The following PDE3B variants were observed in gnomAD, a reference collection of about 807,000 sequenced individuals.
The protein encoded by PDE3B is cGMP-inhibited 3',5'-cyclic phosphodiesterase 3B.
A neutral mutation model predicts 116.8 loss-of-function variants in PDE3B; 66 were observed. The observed-to-expected ratio is 0.56, with a 90% CI of 0.46 to 0.69. The LOEUF (loss-of-function observed/expected upper bound fraction) is 0.69, where lower values mean the gene tolerates loss of function less well. PDE3B is among the 30% of genes least tolerant of loss of function. PDE3B has a pLI of 0.00. For missense variants in PDE3B, 1,384 were observed against 1,368.1 expected, an observed-to-expected ratio of 1.01 and a Z score of -0.18; for synonymous variants, 595 against 533.6, an observed-to-expected ratio of 1.12 and a Z score of -1.59.
intron 1 of PDE3B, among the ~76,000 whole-genome samples, chr11:14,761,621 A>G (rs866463548): frequency 4.6e-5 from 7 of 152,168 alleles, no homozygotes; most frequent in Admixed American, 4.6e-4. Flanking sequence ...ATTTTGTTTT[A>G]TAAGTATAGG....
rs535545363 is a variant in PDE3B at position 14,754,877 on chromosome 11, C to T, written c.979-17060C>T. On this transcript the variant is annotated intron_variant, in intron 1 of 15. Transcript: ENST00000282096. The stretch of plus-strand genomic sequence containing the variant: ...CTCTTTTGGCTTTGCTCCCCTTCTT[C>T]TCTTTCATGCCCTCTTCAAACCAGG... Among the ~76,000 whole-genome samples, 31 of 152,242 alleles carry T rather than the reference C, an allele frequency of 2.0e-4. No homozygotes were observed. In the South Asian group the frequency reaches 6.2e-3, roughly 31 times the overall value.
intron 7 of PDE3B, among the ~76,000 whole-genome samples, chr11:14,824,716 TATC>T (rs1356232830): frequency 1.3e-5 from 2 of 152,172 alleles, no homozygotes; most frequent in Admixed American, 1.3e-4. Flanking sequence ...TATTTCAGGA[TATC>T]ATCCATGAAA....
chr11:14,685,682 C>T (rs1854853730), intron 1 of PDE3B, among the ~76,000 whole-genome samples: 1 of 152,004 alleles, frequency 6.6e-6, no homozygotes, highest in African/African-American at 2.4e-5. Flanking sequence ...TCTTGAACTC[C>T]TGACCTCAGG....
rs1555008776 is a variant in PDE3B, at chr11:14,869,856, T to C, written c.*196T>C. ...TGCACTTTCACAGGAACTAGAAAACTATTCTTAAACCAAAAATACCATCCG... is the reference window on the plus strand; with the variant it reads ...TGCACTTTCACAGGAACTAGAAAACCATTCTTAAACCAAAAATACCATCCG... On this transcript the variant is annotated 3_prime_UTR_variant, in exon 16 of 16. Transcript: ENST00000282096. The C allele has an allele frequency of 7.7e-6, 4 of 519,996 alleles. No homozygotes were observed. Among genetic ancestry groups the C allele is most frequent in the Non-Finnish European group, 1.0e-5 (3 of 296,096 alleles). 32.2% of individuals were successfully genotyped at this position (519,996 alleles called of 1,614,324 possible). A position where few individuals can be genotyped will look rare whatever the true frequency, so the allele number is the denominator to read the frequency against.
chr11:14,879,221 T>C, the PDE3B span: 16 of 1,613,216 alleles, frequency 9.9e-6, no homozygotes. Flanking sequence ...TTCATCAAAG[T>C]GTACAGAATA....
chr11:14,646,145 T>G (rs1189017872), intron 1 of PDE3B, among the ~76,000 whole-genome samples: 1 of 152,230 alleles, frequency 6.6e-6, no homozygotes, highest in East Asian at 1.9e-4. Context: ...CTAGGTTTTC[T>G]GAATTTTTGG....
intron 1 of PDE3B, among the ~76,000 whole-genome samples, chr11:14,751,046 C>T (rs1428189203): frequency 6.6e-6 from 1 of 152,174 alleles, no homozygotes. Flanking sequence ...CCAAACCTGG[C>T]TGCTCATCAG....
chr11:14,661,624 G>T (rs190546492), intron 1 of PDE3B, among the ~76,000 whole-genome samples: 5 of 152,154 alleles, frequency 3.3e-5, no homozygotes, highest in African/African-American at 1.2e-4. Flanking sequence ...CTTTTCCGAC[G>T]GGCTTAAAAA....
intron 2 of PDE3B, 166 bp downstream of exon 2, chr11:14,772,153 G>T (rs1297208990): frequency 5.5e-6 from 2 of 365,798 alleles, no homozygotes; most frequent in Admixed American, 4.6e-5. Flanking sequence ...CATTGAGGTA[G>T]ATTTTTTAAA....
chr11:14,778,033 C>CG (rs201144565), intron 2 of PDE3B, among the ~76,000 whole-genome samples: 59 of 152,258 alleles, frequency 3.9e-4, no homozygotes, highest in African/African-American at 1.0e-3. Context: ...GTGCCTGGCT[C>CG]GGGGGGTTCC....
chr11:14,872,736 GT>G (rs1186982578), downstream of PDE3B, among the ~76,000 whole-genome samples: 1 of 152,168 alleles, frequency 6.6e-6, no homozygotes, highest in African/African-American at 2.4e-5. Flanking sequence ...AATTCCCACA[GT>G]CAACCCTATG....
rs1433175972 is a variant in PDE3B, at chr11:14,644,976, G to A, written c.901G>A (p.Gly301Arg). The A allele has an allele frequency of 1.2e-6, 2 of 1,613,792 alleles. No homozygotes were observed. Among genetic ancestry groups the A allele is most frequent in the East Asian group, 4.5e-5 (2 of 44,886 alleles). ...PRRRSSCVSLGETAASYYGSC... is the reference protein window; with the variant it reads ...PRRRSSCVSLRETAASYYGSC... ...GAGGAGGTCCAGCTGCGTGTCGTTA[G>A]GAGAAACTGCAGCCAGTTACTATGG... The change falls in exon 1 of 16, where the codon GGA (glycine) becomes AGA (arginine). Residue 301 changes from glycine to arginine, a missense_variant. Gly to Arg is a moderately radical substitution (Grantham distance 125). This residue lies in a region of PDE3B where 956 missense variants were observed against 806.8 expected (regional missense o/e 1.18). Transcript: ENST00000282096.
At chr11:14,732,508 A>G (rs1347073122) in intron 1 of PDE3B, among the ~76,000 whole-genome samples, 5 of 152,172 alleles carry the variant, frequency 3.3e-5, no homozygotes, top group African/African-American at 1.2e-4. Context: ...TTTGAGATTC[A>G]TTTTAGTGTC....
chr11:14,710,841 A>T (rs968914414), intron 1 of PDE3B, among the ~76,000 whole-genome samples: 1 of 152,114 alleles, frequency 6.6e-6, no homozygotes, highest in Non-Finnish European at 1.5e-5. Flanking sequence ...TGCTTTTTTT[A>T]AAAAAATGTG....
intron 1 of PDE3B, among the ~76,000 whole-genome samples, chr11:14,652,334 G>A (rs1338906833): frequency 6.6e-6 from 1 of 152,058 alleles, no homozygotes; most frequent in African/African-American, 2.4e-5. Context: ...CTATGTCATA[G>A]GTCTATACGT....
At chr11:14,663,808 C>T (rs1393320087) in intron 1 of PDE3B, among the ~76,000 whole-genome samples, 1 of 152,136 alleles carries the variant, frequency 6.6e-6, no homozygotes, top group Admixed American at 6.5e-5. Flanking sequence ...TAGACTCCCA[C>T]ACAATAATAA....
intron 1 of PDE3B, among the ~76,000 whole-genome samples, chr11:14,681,726 A>C (rs1854715881): frequency 6.6e-6 from 1 of 152,186 alleles, no homozygotes; most frequent in Non-Finnish European, 1.5e-5. Context: ...ATAGAAATAC[A>C]ATTGAGTTTT....
chr11:14,660,927 C>G (rs1853883778), intron 1 of PDE3B, among the ~76,000 whole-genome samples: 1 of 152,184 alleles, frequency 6.6e-6, no homozygotes, highest in Admixed American at 6.5e-5. Flanking sequence ...AAATGCTCAT[C>G]ATCACTGGCC....
chr11:14,859,063 A>T lies in PDE3B; in HGVS notation c.2541A>T (p.Arg847Ser). The change falls in exon 13 of 16, where the codon AGA becomes AGT. Residue 847 changes from arginine to serine, a missense_variant. Around this residue, in one of 2 missense-constraint regions of PDE3B, gnomAD observed 428 missense variants for 561.4 expected, o/e 0.76. Transcript: ENST00000282096. ...TTTAGGCAGTTTTATACAATGACAGATCTGTTCTGGAAAATCATCATGCTG... is the reference window on the plus strand; with the variant it reads ...TTTAGGCAGTTTTATACAATGACAGTTCTGTTCTGGAAAATCATCATGCTG... ...NAPQAVLYND[R>S]SVLENHHAAS... The T allele has an allele frequency of 6.2e-7, 1 of 1,612,812 alleles. No individual in the cohort carries two copies. The highest frequency in any genetic ancestry group is 1.3e-5 in the African/African-American group (1 of 74,990).
Sources: gnomAD v4.1 joint callset for allele counts (sites outside exome capture counted in the v4.1 genomes callset) on GRCh38, gnomAD v4.1.1 for gene constraint, gnomAD v4.1.1 regional missense constraint, MANE v1.5 for transcripts, NCBI Gene and HGNC (gene_info 2026-07-23, HGNC 2026-07-21) for gene names.